The following ARHGAP18 variants were observed in gnomAD, a reference collection of about 807,000 sequenced individuals.
ARHGAP18 encodes Rho GTPase activating protein 18.
A neutral mutation model predicts 86.2 loss-of-function variants in ARHGAP18; 67 were observed. The ratio of observed to expected loss-of-function variants is 0.78; its 90% CI spans 0.64 to 0.95. The LOEUF is 0.95. ARHGAP18 is among the 40% of genes least tolerant of loss of function. The probability of loss-of-function intolerance (pLI) is 0.00; values close to 1 mark genes in which losing one functional copy is unlikely to be tolerated. For synonymous variants in ARHGAP18, 283 were observed against 280.4 expected (o/e 1.01, Z -0.09); for missense variants, 691 against 780.4 (o/e 0.89, Z 1.37).
intron 1 of ARHGAP18, among the ~76,000 whole-genome samples, chr6:129,678,497 A>G (rs977597314): frequency 6.6e-5 from 10 of 152,186 alleles, no homozygotes; most frequent in Non-Finnish European, 1.3e-4. Context: ...TTGGAAACAA[A>G]ACCATGTAAA....
rs1247347195 is a variant in ARHGAP18, at chr6:129,616,369, A to C, written c.953-66T>G. 2.3e-6 allele frequency: 3 copies of C among 1,282,358 alleles called. No homozygotes were observed. In the Admixed American group the frequency reaches 6.5e-5, roughly 28 times the overall value. 79.4% of individuals were successfully genotyped at this position (1,282,358 alleles called of 1,614,324 possible). Reference sequence around the variant, plus strand: ...TATAAAATATTAATATAAAAATGTTAAAGCATAAGATTTCTGATACTGTCG... The same window carrying C: ...TATAAAATATTAATATAAAAATGTTCAAGCATAAGATTTCTGATACTGTCG... On this transcript the variant is annotated intron_variant, in intron 6 of 14. Coordinates refer to ENST00000368149, the MANE Select transcript of ARHGAP18 (RefSeq NM_033515.3).
intron 5 of ARHGAP18, among the ~76,000 whole-genome samples, chr6:129,626,653 C>A (rs1018869450): frequency 1.4e-5 from 2 of 142,382 alleles, no homozygotes; most frequent in Non-Finnish European, 3.1e-5. Context: ...TTAGGATGTA[C>A]CCCCAAAACA....
intron 12 of ARHGAP18, among the ~76,000 whole-genome samples, chr6:129,591,190 G>C (rs1032191063): frequency 2.0e-5 from 3 of 152,130 alleles, no homozygotes; most frequent in African/African-American, 4.8e-5. Flanking sequence ...GCCAAGCTTT[G>C]AAAAGATACA....
intron 5 of ARHGAP18, among the ~76,000 whole-genome samples, chr6:129,625,995 AAT>A (rs1789457021): frequency 1.2e-5 from 1 of 80,900 alleles, no homozygotes. Context: ...TTATATATCA[AAT>A]ATATATCAAA....
chr6:129,651,645 T>C (rs755323221), intron 1 of ARHGAP18, among the ~76,000 whole-genome samples: 4 of 152,100 alleles, frequency 2.6e-5, no homozygotes, highest in African/African-American at 7.2e-5. Context: ...TACTTCAGGA[T>C]TGTCCCTAAC....
At chr6:129,622,695 G>A (rs1214756924) in intron 5 of ARHGAP18, among the ~76,000 whole-genome samples, 1 of 148,816 alleles carries the variant, frequency 6.7e-6, no homozygotes, top group African/African-American at 2.4e-5. Context: ...TCTACCTCTT[G>A]AAAAATGTGT....
Position 129,649,838 on chromosome 6 carries a change from C to T in ARHGAP18, c.114-7820G>A, listed in dbSNP as rs1054166572. On this transcript the variant is annotated intron_variant, in intron 1 of 14. Transcript: ENST00000368149. ...ACTTCTAGAGAAATATATGACACAA[C>T]CAATTCATAGGTGCTGGGTTTTTTG... 2.3e-4 allele frequency among the ~76,000 whole-genome samples: 35 copies of T among 151,894 alleles called. 1 individual carries two copies. The highest frequency in any genetic ancestry group is 2.2e-3 in the Admixed American group (34 of 15,234).
intron 12 of ARHGAP18, chr6:129,596,814 T>C (rs1352266697): frequency 6.6e-6 from 1 of 152,176 alleles, no homozygotes; most frequent in Admixed American, 6.5e-5. Context: ...CCATGTTCCA[T>C]GCAAAAGGAA....
chr6:129,585,109 G>A (rs992293602), intron 12 of ARHGAP18, among the ~76,000 whole-genome samples: 3 of 150,208 alleles, frequency 2.0e-5, no homozygotes, highest in Non-Finnish European at 3.0e-5. Context: ...TGGCCAACAT[G>A]GCGAAACCCT....
In ARHGAP18 at chr6:129,605,625, A is replaced by T. The variant is rs139613209; in HGVS notation, c.1365+252T>A. On this transcript the variant is annotated intron_variant, in intron 10 of 14. Transcript: ENST00000368149. ...CACCCACGTTTCCATTAACCGACGAACCTCAATCGTCTGGTTTGGAAGAAG... is the reference window on the plus strand; with the variant it reads ...CACCCACGTTTCCATTAACCGACGATCCTCAATCGTCTGGTTTGGAAGAAG... Among the ~76,000 whole-genome samples the T allele has an allele frequency of 4.3e-3, 657 of 152,324 alleles. 6 individuals are homozygous for T. The highest frequency in any genetic ancestry group is 0.015 in the African/African-American group (610 of 41,574).
chr6:129,630,523 G>C (rs1042315170), intron 4 of ARHGAP18, among the ~76,000 whole-genome samples: 1 of 152,166 alleles, frequency 6.6e-6, no homozygotes, highest in Non-Finnish European at 1.5e-5. Context: ...CAAAGTGATG[G>C]AAGCTAAAGT....
chr6:129,684,177 G>A (rs1175447255), intron 1 of ARHGAP18, among the ~76,000 whole-genome samples: 4 of 152,244 alleles, frequency 2.6e-5, no homozygotes, highest in African/African-American at 9.6e-5. Context: ...CCAGTGACAG[G>A]AGGAAGTAGG....
chr6:129,597,143 T>G (rs536776749), intron 12 of ARHGAP18, among the ~76,000 whole-genome samples: 1 of 151,948 alleles, frequency 6.6e-6, no homozygotes, highest in East Asian at 1.9e-4. Flanking sequence ...TGGCTATTGA[T>G]TAGAATTTTT....
intron 3 of ARHGAP18, 77 bp from the exon 4 acceptor site, chr6:129,634,182 T>C (rs12664247): frequency 0.29 from 382,851 of 1,300,260 alleles, 59,814 homozygotes; most frequent in Non-Finnish European, 0.32. Flanking sequence ...AATTTTGTTA[T>C]TAATCTTTAG....
chr6:129,609,721 A>G lies in ARHGAP18; in HGVS notation c.1123-1669T>C, dbSNP rs529181805. ...ACAAGCTATGAAACTTACAAACACC[A>G]CAGTTTCAGGGAGCTCTAAGTACCA... On this transcript the variant is annotated intron_variant, in intron 8 of 14. Transcript: ENST00000368149. Among the ~76,000 whole-genome samples, 447 of 152,220 alleles carry G rather than the reference A, an allele frequency of 2.9e-3. 4 individuals are homozygous for G. Among genetic ancestry groups the G allele is most frequent in the Non-Finnish European group, 3.1e-3 (214 of 68,030 alleles).
At chr6:129,608,983 G>A (rs760998092) in intron 8 of ARHGAP18, among the ~76,000 whole-genome samples, 1 of 151,036 alleles carries the variant, frequency 6.6e-6, no homozygotes, top group Non-Finnish European at 1.5e-5. Flanking sequence ...GAGGGAAGAG[G>A]GAGTGAGAAA....
chr6:129,648,124 T>A (rs1042849461), intron 1 of ARHGAP18, among the ~76,000 whole-genome samples: 9 of 152,152 alleles, frequency 5.9e-5, no homozygotes, highest in Non-Finnish European at 1.2e-4. Flanking sequence ...CATATTTTTT[T>A]AAAAAGGATG....
At chr6:129,631,523 A>C (rs1435257071) in intron 4 of ARHGAP18, among the ~76,000 whole-genome samples, 1 of 152,178 alleles carries the variant, frequency 6.6e-6, no homozygotes, top group Non-Finnish European at 1.5e-5. Flanking sequence ...TTGGCTAATA[A>C]GTGATGTTTT....
intron 1 of ARHGAP18, among the ~76,000 whole-genome samples, chr6:129,672,702 T>A (rs1057314842): frequency 6.6e-6 from 1 of 152,242 alleles, no homozygotes; most frequent in Non-Finnish European, 1.5e-5. Flanking sequence ...TTATAATAAT[T>A]AGGCAATAAA....
Sources: gnomAD v4.1 joint callset for allele counts (sites outside exome capture counted in the v4.1 genomes callset) on GRCh38, gnomAD v4.1.1 for gene constraint, MANE v1.5 for transcripts, NCBI Gene and HGNC (gene_info 2026-07-23, HGNC 2026-07-21) for gene names.